Variants in M1AP observed in about 807,000 individuals in gnomAD.
The protein encoded by M1AP is meiosis 1 arrest protein.
Under a neutral mutation model 51.2 loss-of-function variants are expected in M1AP, and 39 were observed. That is an observed-to-expected ratio of 0.76 (90% confidence interval 0.59 to 1.00). The LOEUF is 1.00. Among genes scored for constraint, M1AP ranks in the 50% least tolerant of loss-of-function variants. The probability of loss-of-function intolerance (pLI) is 0.00; values close to 1 mark genes in which losing one functional copy is unlikely to be tolerated. For missense variants in M1AP, 545 were observed against 641.2 expected, an observed-to-expected ratio of 0.85 and a Z score of 1.62; for synonymous variants, 251 against 249.2, an observed-to-expected ratio of 1.01 and a Z score of -0.07.
Position 74,581,906 on chromosome 2 carries a change from A to G in M1AP, c.596-59T>C, listed in dbSNP as rs907330103. On this transcript the variant is annotated intron_variant, in intron 4 of 10. Transcript: ENST00000421985. ...GATTGTAAATTTTGAGTAATATAAA[A>G]TTTTGAACACATCCATCTTTTCTTT... is the stretch of plus-strand genomic sequence containing the variant. 2.7e-6 allele frequency: 4 copies of G among 1,484,738 alleles called. No homozygotes were observed. The Admixed American group carries it at 7.7e-5, about 28-fold the overall frequency. The allele number at this position is 1,484,738 out of a possible 1,614,324, so 92.0% of individuals were successfully genotyped here. A position where few individuals can be genotyped will look rare whatever the true frequency, so the allele number is the denominator to read the frequency against.
chr2:74,632,673 A>G (rs1294975031), intron 2 of M1AP, among the ~76,000 whole-genome samples: 1 of 152,198 alleles, frequency 6.6e-6, no homozygotes, highest in Non-Finnish European at 1.5e-5. Context: ...CACTTTCTCC[A>G]GTTTAGATTC....
chr2:74,638,303 T>C (rs1353602642), intron 2 of M1AP, among the ~76,000 whole-genome samples: 1 of 152,166 alleles, frequency 6.6e-6, no homozygotes, highest in Non-Finnish European at 1.5e-5. Flanking sequence ...ATCTGCAAGC[T>C]GGAACAATTC....
At chr2:74,611,513 G>A (rs1681344211) in intron 3 of M1AP, among the ~76,000 whole-genome samples, 1 of 152,082 alleles carries the variant, frequency 6.6e-6, no homozygotes, top group Non-Finnish European at 1.5e-5. Flanking sequence ...TGTGGTATCA[G>A]TTGTAATGTC....
chr2:74,635,827 T>C (rs1288050731), intron 2 of M1AP, among the ~76,000 whole-genome samples: 2 of 152,126 alleles, frequency 1.3e-5, no homozygotes, highest in African/African-American at 4.8e-5. Context: ...TTTGATTTCA[T>C]TGTGTCAGAG....
At chr2:74,588,023 TTC>T (rs1234237935) in intron 4 of M1AP, among the ~76,000 whole-genome samples, 2 of 152,198 alleles carry the variant, frequency 1.3e-5, no homozygotes, top group African/African-American at 4.8e-5. Context: ...ATGTCTGTAT[TTC>T]TCTCTTCACA....
chr2:74,600,095 C>A (rs927149513), intron 4 of M1AP, among the ~76,000 whole-genome samples: 4 of 152,118 alleles, frequency 2.6e-5, no homozygotes, highest in Non-Finnish European at 5.9e-5. Flanking sequence ...TTCTTTTCAA[C>A]TGAAGCAGTA....
At chr2:74,591,370 C>T (rs1016219904) in intron 4 of M1AP, among the ~76,000 whole-genome samples, 4 of 152,226 alleles carry the variant, frequency 2.6e-5, no homozygotes, top group African/African-American at 4.8e-5. Context: ...TATTTTTTGA[C>T]GTGAGAAACA....
chr2:74,610,094 T>C (rs978964071), intron 3 of M1AP, among the ~76,000 whole-genome samples: 2 of 151,938 alleles, frequency 1.3e-5, no homozygotes, highest in South Asian at 2.1e-4. Flanking sequence ...CTTGACCTCC[T>C]AGGCTCAAGT....
chr2:74,637,394 T>C (rs895700617), intron 2 of M1AP, among the ~76,000 whole-genome samples: 2 of 152,260 alleles, frequency 1.3e-5, no homozygotes, highest in Non-Finnish European at 2.9e-5. Flanking sequence ...AATTCTAACA[T>C]TTATGTCACT....
intron 7 of M1AP, among the ~76,000 whole-genome samples, chr2:74,566,927 A>G (rs2104528746): frequency 6.6e-6 from 1 of 152,308 alleles, no homozygotes; most frequent in Non-Finnish European, 1.5e-5. Flanking sequence ...AGACTCTGAC[A>G]TTTTAAGTAG....
chr2:74,617,096 T>C (rs1681712332), intron 2 of M1AP, among the ~76,000 whole-genome samples: 1 of 152,244 alleles, frequency 6.6e-6, no homozygotes, highest in Non-Finnish European at 1.5e-5. Flanking sequence ...CTTGGTATTT[T>C]AAAAGACTAA....
At chr2:74,583,338 A>G (rs1269106014) in intron 4 of M1AP, among the ~76,000 whole-genome samples, 1 of 152,228 alleles carries the variant, frequency 6.6e-6, no homozygotes, top group Non-Finnish European at 1.5e-5. Flanking sequence ...GTATCTCACA[A>G]GTGTGGTTAA....
chr2:74,593,658 G>C (rs1680169945), intron 4 of M1AP, among the ~76,000 whole-genome samples: 1 of 152,204 alleles, frequency 6.6e-6, no homozygotes, highest in South Asian at 2.1e-4. Context: ...TGGGATTACA[G>C]GTGTGAGCCA....
chr2:74,584,827 TA>T lies in M1AP; in HGVS notation c.596-2981del, dbSNP rs1472518428. ...TGCCATATATATATATATATATATA[TA>T]TTTTATTATTATTTTTTTATTTTAT... On this transcript the variant is annotated intron_variant, in intron 4 of 10. Transcript: ENST00000421985. Among the ~76,000 whole-genome samples, 67 of 147,910 alleles carry T rather than the reference TA, an allele frequency of 4.5e-4. No homozygotes were observed. In the South Asian group the frequency reaches 9.0e-3, roughly 20 times the overall value.
rs1385302686 is a variant in M1AP, at chr2:74,588,496, AT to A, written c.596-6650del. Among the ~76,000 whole-genome samples, 3 of 152,230 alleles carry A rather than the reference AT, an allele frequency of 2.0e-5. No individual in the cohort carries two copies. In the East Asian group the frequency reaches 5.8e-4, roughly 29 times the overall value. On this transcript the variant is annotated intron_variant, in intron 4 of 10. Transcript: ENST00000421985. ...TAGTCAGGAACAGCAGTGCAGCATCATCCAACCATTGTCTTTAAATCAACAC... is the reference window on the plus strand; with the variant it reads ...TAGTCAGGAACAGCAGTGCAGCATCACCAACCATTGTCTTTAAATCAACAC...
At chr2:74,614,346 T>C (rs1035697440) in intron 3 of M1AP, among the ~76,000 whole-genome samples, 5 of 152,206 alleles carry the variant, frequency 3.3e-5, no homozygotes, top group African/African-American at 1.2e-4. Flanking sequence ...TCCAAGCTCC[T>C]TACATGAAGA....
chr2:74,568,987 AT>A (rs1474110566), intron 7 of M1AP, among the ~76,000 whole-genome samples: 2 of 152,208 alleles, frequency 1.3e-5, no homozygotes, highest in Non-Finnish European at 2.9e-5. Flanking sequence ...TATATATGTT[AT>A]TGCCAGGTGT....
intron 1 of M1AP, among the ~76,000 whole-genome samples, chr2:74,646,840 T>C (rs1163634966): frequency 6.6e-6 from 1 of 152,188 alleles, no homozygotes; most frequent in African/African-American, 2.4e-5. Flanking sequence ...GTGTTTAAGA[T>C]CTCTTTGAAT....
At chr2:74,577,839 A>C (rs556131067) in intron 5 of M1AP, among the ~76,000 whole-genome samples, 1 of 152,190 alleles carries the variant, frequency 6.6e-6, no homozygotes, top group Non-Finnish European at 1.5e-5. Context: ...CATCTGGCAG[A>C]GGTTTTCAAT....
Sources: gnomAD v4.1 joint callset for allele counts (sites outside exome capture counted in the v4.1 genomes callset) on GRCh38, gnomAD v4.1.1 for gene constraint, MANE v1.5 for transcripts, NCBI Gene and HGNC (gene_info 2026-07-23, HGNC 2026-07-21) for gene names.